Variants in PLG observed in about 807,000 individuals in gnomAD.
PLG encodes the protein plasminogen, also known as plasmin.
Under a neutral mutation model 104.4 loss-of-function variants are expected in PLG, and 41 were observed. The observed-to-expected ratio is 0.39, with a 90% CI of 0.31 to 0.51. The LOEUF is 0.51. Ranked by LOEUF, PLG falls within the 20% of genes least tolerant of loss-of-function variation. The pLI is 0.76. For synonymous variants in PLG, 337 were observed against 357.1 expected (o/e 0.94, Z 0.63); for missense variants, 891 against 1,003.6 (o/e 0.89, Z 1.52).
Position 160,714,784 on chromosome 6 carries a change from C to T in PLG, c.548-10C>T. On this transcript the variant is annotated splice_polypyrimidine_tract_variant and intron_variant, in intron 5 of 18. Transcript: ENST00000308192. ...TCTTCCTCTCTGTCCTTCCTTCCCA[C>T]TCTGTCCAGAGGAATGTATGCATTG... The T allele has an allele frequency of 6.2e-7, 1 of 1,613,504 alleles. No homozygotes were observed. Among genetic ancestry groups the T allele is most frequent in the Non-Finnish European group, 8.5e-7 (1 of 1,179,466 alleles).
At position 160,731,303 on chromosome 6, in the gene PLG, T is replaced by C. The variant is rs552097877; in HGVS notation, c.1438+71T>C. On this transcript the variant is annotated intron_variant, in intron 11 of 18. Transcript: ENST00000308192. This position sits in a 1 kb window ranked among gnomAD's most constrained non-coding sequence, Gnocchi z 5.1. ...GAAAAGCCATGGAAAATCTCACTGATGCAGAAACCTTCCATGCTACACGAG... is the reference window on the plus strand; with the variant it reads ...GAAAAGCCATGGAAAATCTCACTGACGCAGAAACCTTCCATGCTACACGAG... 8 of 1,308,966 alleles carry C rather than the reference T, an allele frequency of 6.1e-6. No individual in the cohort carries two copies. Among genetic ancestry groups the C allele is most frequent in the Non-Finnish European group, 8.9e-6 (8 of 903,700 alleles). The allele number at this position is 1,308,966 out of a possible 1,614,324, so 81.1% of individuals were successfully genotyped here. A position where few individuals can be genotyped will look rare whatever the true frequency, so the allele number is the denominator to read the frequency against.
intron 4 of PLG, among the ~76,000 whole-genome samples, chr6:160,712,597 T>C (rs931577886): frequency 6.6e-6 from 1 of 152,222 alleles, no homozygotes; most frequent in African/African-American, 2.4e-5. Context: ...GTTAGTGGAA[T>C]TCCTGGCAGA....
rs193267696 is a variant in PLG at position 160,704,198 on chromosome 6, C to T, written c.49+1845C>T. Among the ~76,000 whole-genome samples, 28 of 152,268 alleles carry T rather than the reference C, an allele frequency of 1.8e-4. No individual in the cohort carries two copies. In the East Asian group the frequency reaches 4.2e-3, roughly 23 times the overall value. On this transcript the variant is annotated intron_variant, in intron 1 of 18. Transcript: ENST00000308192. ...AAATAAGCCCTATCAAATCCTATTGCCATATGAGTCCTAGAGGTGAATAAG... is the reference window on the plus strand; with the variant it reads ...AAATAAGCCCTATCAAATCCTATTGTCATATGAGTCCTAGAGGTGAATAAG...
chr6:160,731,611 C>T lies in PLG; in HGVS notation c.1439-134C>T. ...TAAGGTAGGCAGCGTTCATTGCAGTCTTCAGCATTGCAGTTTCTGAGGAAT... is the reference window on the plus strand; with the variant it reads ...TAAGGTAGGCAGCGTTCATTGCAGTTTTCAGCATTGCAGTTTCTGAGGAAT... On this transcript the variant is annotated intron_variant, in intron 11 of 18. Coordinates refer to ENST00000308192, the MANE Select transcript of PLG (RefSeq NM_000301.5). The surrounding 1 kb of genome is among the most constrained non-coding windows in gnomAD (Gnocchi z 5.1). 1 of 856,396 alleles carries T rather than the reference C, an allele frequency of 1.2e-6. No individual in the cohort carries two copies. The highest frequency in any genetic ancestry group is 2.0e-6 in the Non-Finnish European group (1 of 505,580). 53.0% of individuals were successfully genotyped at this position (856,396 alleles called of 1,614,324 possible). A position where few individuals can be genotyped will look rare whatever the true frequency, so the allele number is the denominator to read the frequency against.
chr6:160,748,374 A>AAGAGAGAG lies in PLG; in HGVS notation c.2126-3738_2126-3737insGAGAGAGA, dbSNP rs1331475547. ...AGAGAAAGAAAGAAAGAAAGAAAGA[A>AAGAGAGAG]AGAAAGAAAGAAAGAAAGAAAGAAA... On this transcript the variant is annotated intron_variant, in intron 17 of 18. Transcript: ENST00000308192. Among the ~76,000 whole-genome samples, 40 of 55,354 alleles carry AAGAGAGAG rather than the reference A, an allele frequency of 7.2e-4. No homozygotes were observed. The East Asian group carries it at 0.011, about 15-fold the overall frequency. The allele number at this position is 55,354 out of a possible 152,430, so 36.3% of individuals were successfully genotyped here.
intron 17 of PLG, among the ~76,000 whole-genome samples, chr6:160,742,328 G>T (rs546969918): frequency 6.6e-6 from 1 of 152,180 alleles, no homozygotes; most frequent in South Asian, 2.1e-4. Context: ...GTTATTTTTT[G>T]ACTTTTTAGG....
At position 160,726,516 on chromosome 6, in the gene PLG, T is replaced by C. The variant is rs569829651; in HGVS notation, c.1256+3949T>C. ...ACTTAAGATGGCATTTCTCAAAGTATGCTCTGGAGAAACCTGAAGTCTCTT... is the reference window on the plus strand; with the variant it reads ...ACTTAAGATGGCATTTCTCAAAGTACGCTCTGGAGAAACCTGAAGTCTCTT... On this transcript the variant is annotated intron_variant, in intron 10 of 18. Transcript: ENST00000308192. This position sits in a 1 kb window ranked among gnomAD's most constrained non-coding sequence, Gnocchi z 4.4. Among the ~76,000 whole-genome samples the C allele has an allele frequency of 6.6e-6, 1 of 151,968 alleles. No homozygotes were observed. Among genetic ancestry groups the C allele is most frequent in the African/African-American group, 2.4e-5 (1 of 41,420 alleles).
At chr6:160,707,941 G>A (rs1469739658) in intron 3 of PLG, 135 bp downstream of exon 3, 25 of 782,408 alleles carry the variant, frequency 3.2e-5, no homozygotes, top group Non-Finnish European at 4.3e-5. Flanking sequence ...TTCTGAGTTA[G>A]GACAGGATTT....
chr6:160,713,267 A>T, intron 5 of PLG, 142 bp downstream of exon 5: 1 of 738,674 alleles, frequency 1.4e-6, no homozygotes, highest in Non-Finnish European at 2.3e-6. Flanking sequence ...CCCAGAATTA[A>T]CCTGAATTTT....
At chr6:160,747,900 G>T (rs1582952429) in intron 17 of PLG, among the ~76,000 whole-genome samples, 1 of 152,138 alleles carries the variant, frequency 6.6e-6, no homozygotes, top group Non-Finnish European at 1.5e-5. Context: ...ACATATTATT[G>T]TTCCTAGTTT....
chr6:160,702,316 G>A lies in PLG; in HGVS notation c.12G>A (p.Lys4=), dbSNP rs4252061. The change falls in exon 1 of 19, where the codon AAG becomes AAA. Residue 4 remains lysine (K), a synonymous_variant. Transcript: ENST00000308192. MEH[K]EVVLLLLLFL... ...TGGCCAGTCCCAAAATGGAACATAA[G>A]GAAGTGGTTCTTCTACTTCTTTTAT... 462 of 1,609,862 alleles carry A rather than the reference G, an allele frequency of 2.9e-4. No individual in the cohort carries two copies. The highest frequency in any genetic ancestry group is 3.6e-4 in the Non-Finnish European group (429 of 1,179,616).
At position 160,752,197 on chromosome 6, in the gene PLG, T is replaced by C. The variant is rs1465179844; in HGVS notation, c.2208T>C (p.Asn736=). The C allele has an allele frequency of 6.2e-7, 1 of 1,613,626 alleles. No homozygotes were observed. Among genetic ancestry groups the C allele is most frequent in the Admixed American group, 1.7e-5 (1 of 60,030 alleles). ...TGTGCAATCGCTATGAGTTTCTGAATGGAAGAGTCCAATCCACCGAACTCT... is the reference window on the plus strand; with the variant it reads ...TGTGCAATCGCTATGAGTTTCTGAACGGAAGAGTCCAATCCACCGAACTCT... ...NKVCNRYEFL[N]GRVQSTELCA... The change falls in exon 18 of 19, where the codon AAT becomes AAC. Residue 736 remains asparagine, a synonymous_variant. Transcript: ENST00000308192. The surrounding 1 kb of genome is among the most constrained non-coding windows in gnomAD (Gnocchi z 4.7).
intron 10 of PLG, among the ~76,000 whole-genome samples, chr6:160,727,376 T>TA (rs145282296): frequency 0.086 from 12,937 of 149,894 alleles, 1,475 homozygotes; most frequent in Middle Eastern, 0.27. Flanking sequence ...TGTTATTATT[T>TA]AAAAAAAATC....
rs879568448 is a variant in PLG, at chr6:160,723,448, A to G, written c.1256+881A>G. ...AAGGGAATCAAATGAGATCAACCCA[A>G]TAACTACCTTGGCTTTGTTCCTGGA... On this transcript the variant is annotated intron_variant, in intron 10 of 18. Transcript: ENST00000308192. This position sits in a 1 kb window ranked among gnomAD's most constrained non-coding sequence, Gnocchi z 4.7. Among the ~76,000 whole-genome samples the G allele has an allele frequency of 6.6e-5, 10 of 152,192 alleles. No homozygotes were observed. The highest frequency in any genetic ancestry group is 2.0e-4 in the Admixed American group (3 of 15,274).
intron 12 of PLG, 49 bp from the exon 13 acceptor site, chr6:160,733,946 C>G (rs1562379146): frequency 2.1e-6 from 2 of 954,018 alleles, no homozygotes; most frequent in Non-Finnish European, 3.5e-6. Flanking sequence ...ACACCTTCTC[C>G]CTCTCCTGCC....
At chr6:160,727,434 T>C (rs1777936885) in intron 10 of PLG, among the ~76,000 whole-genome samples, 1 of 151,202 alleles carries the variant, frequency 6.6e-6, no homozygotes, top group African/African-American at 2.4e-5. Flanking sequence ...GGGAAATATT[T>C]CTTGACTCAA....
At position 160,741,548 on chromosome 6, in the gene PLG, C is replaced by T; in HGVS notation, c.2125+131C>T. 4.2e-6 allele frequency: 3 copies of T among 715,358 alleles called. No individual in the cohort carries two copies. The highest frequency in any genetic ancestry group is 7.7e-6 in the Non-Finnish European group (3 of 389,430). The allele number at this position is 715,358 out of a possible 1,614,324, so 44.3% of individuals were successfully genotyped here. On this transcript the variant is annotated intron_variant, in intron 17 of 18. Coordinates refer to ENST00000308192, the MANE Select transcript of PLG (RefSeq NM_000301.5). The surrounding 1 kb of genome is among the most constrained non-coding windows in gnomAD (Gnocchi z 4.7). Reference sequence around the variant, plus strand: ...TGGTCCACCCCACTCCTGATTTTGCCTGGGCACCTGTCTATGTCTTAATCA... The same window carrying T: ...TGGTCCACCCCACTCCTGATTTTGCTTGGGCACCTGTCTATGTCTTAATCA...
intron 17 of PLG, among the ~76,000 whole-genome samples, chr6:160,751,734 G>A (rs1170220969): frequency 1.3e-5 from 2 of 152,088 alleles, no homozygotes; most frequent in African/African-American, 2.4e-5. Context: ...ATCAAGATGT[G>A]AAATTTTGTG....
rs1367266126 is a variant in PLG, at chr6:160,732,375, GTGTC to G, written c.1587+486_1587+489del. 6.6e-6 allele frequency among the ~76,000 whole-genome samples: 1 copy of G among 152,164 alleles called. No homozygotes were observed. The highest frequency in any genetic ancestry group is 1.5e-5 in the Non-Finnish European group (1 of 68,040). ...AGACTGAGATATAGGAAAAACCAAA[GTGTC>G]TGTGTTCCCCCACTCTCACACCCAT... On this transcript the variant is annotated intron_variant, in intron 12 of 18. Transcript: ENST00000308192. The surrounding 1 kb of genome is among the most constrained non-coding windows in gnomAD (Gnocchi z 4.5).
Sources: allele counts gnomAD v4.1 joint callset (sites outside exome capture counted in the v4.1 genomes callset), GRCh38; gene constraint gnomAD v4.1.1; non-coding constraint Gnocchi (gnomAD v3.1); transcripts MANE v1.5; gene names NCBI Gene and HGNC (gene_info 2026-07-23, HGNC 2026-07-21).